The following ABI3BP variants were observed in gnomAD, a reference collection of about 807,000 sequenced individuals.
ABI3BP encodes the protein ABI family member 3 binding protein.
In ABI3BP, 216 loss-of-function variants were observed where a neutral mutation model predicts 268.6. The ratio of observed to expected loss-of-function variants is 0.80; its 90% CI spans 0.72 to 0.90. ABI3BP has a LOEUF of 0.90. Ranked by LOEUF, ABI3BP falls within the 40% of genes least tolerant of loss-of-function variation. The pLI is 0.00. For synonymous variants in ABI3BP, 730 were observed against 730.0 expected (o/e 1.00, Z 0.00); for missense variants, 2,090 against 2,182.4 (o/e 0.96, Z 0.84).
intron 1 of ABI3BP, among the ~76,000 whole-genome samples, chr3:100,953,685 T>C (rs990633644): frequency 5.3e-5 from 8 of 152,172 alleles, no homozygotes; most frequent in African/African-American, 1.9e-4. Context: ...ATGCTTTACA[T>C]TTCTTGAATT....
At chr3:100,964,249 T>C (rs1468930907) in intron 1 of ABI3BP, among the ~76,000 whole-genome samples, 2 of 152,134 alleles carry the variant, frequency 1.3e-5, no homozygotes. Context: ...GCAGACAAGA[T>C]GGCACCAATC....
At chr3:100,952,448 C>T (rs1449091612) in intron 1 of ABI3BP, among the ~76,000 whole-genome samples, 8 of 151,958 alleles carry the variant, frequency 5.3e-5, no homozygotes, top group South Asian at 2.1e-4. Context: ...ATGATGTTTG[C>T]CTTTCATATG....
At chr3:100,768,856 T>G (rs2096436028) in intron 62 of ABI3BP, among the ~76,000 whole-genome samples, 1 of 152,230 alleles carries the variant, frequency 6.6e-6, no homozygotes, top group East Asian at 1.9e-4. Context: ...AACTTGAAGT[T>G]GCCCAAGGAT....
Position 100,865,489 on chromosome 3 carries a change from T to C in ABI3BP, c.989-582A>G, listed in dbSNP as rs540420919. On this transcript the variant is annotated intron_variant, in intron 10 of 67. Transcript: ENST00000471714. ...TTTGTCCCAAATGCTAGATTAAAGG[T>C]AATAAAAAGCTCAATTAAAAAGCTC... Among the ~76,000 whole-genome samples, 5 of 152,174 alleles carry C rather than the reference T, an allele frequency of 3.3e-5. No individual in the cohort carries two copies. In the South Asian group the frequency reaches 1.0e-3, roughly 32 times the overall value.
chr3:100,967,675 A>C (rs2081904972), intron 1 of ABI3BP, among the ~76,000 whole-genome samples: 2 of 152,142 alleles, frequency 1.3e-5, no homozygotes, highest in Non-Finnish European at 2.9e-5. Flanking sequence ...TAATATTCTG[A>C]TTTCAATCAA....
chr3:100,777,869 C>T (rs1368332176), intron 59 of ABI3BP, among the ~76,000 whole-genome samples: 1 of 152,162 alleles, frequency 6.6e-6, no homozygotes, highest in Non-Finnish European at 1.5e-5. Context: ...GGCATGAAGG[C>T]TGTTGGATAG....
At chr3:100,821,332 CTAAT>C (rs2098215791) in intron 38 of ABI3BP, among the ~76,000 whole-genome samples, 1 of 152,128 alleles carries the variant, frequency 6.6e-6, no homozygotes, top group African/African-American at 2.4e-5. Flanking sequence ...CTCTGGTTAT[CTAAT>C]TAATAATACA....
At chr3:100,911,878 G>A in intron 2 of ABI3BP, 2 of 1,592,326 alleles carry the variant, frequency 1.3e-6, no homozygotes, top group Non-Finnish European at 1.7e-6. Flanking sequence ...TGATCTGAAT[G>A]ACGACAGAAT....
At chr3:100,861,553 T>C (rs1360306036) in intron 14 of ABI3BP, among the ~76,000 whole-genome samples, 3 of 152,206 alleles carry the variant, frequency 2.0e-5, no homozygotes, top group Non-Finnish European at 4.4e-5. Flanking sequence ...GAGGTCTTCT[T>C]ATAATTCTCA....
Position 100,765,833 on chromosome 3 carries a change from T to G in ABI3BP, c.4850+8A>C. Reference sequence around the variant, plus strand: ...CAGAATTTACCTGGAATAGCACTGGTGGCTTACCTCGTGTTTGGTTTCAGA... The same window carrying G: ...CAGAATTTACCTGGAATAGCACTGGGGGCTTACCTCGTGTTTGGTTTCAGA... On this transcript the variant is annotated splice_region_variant and intron_variant, in intron 63 of 67. Transcript: ENST00000471714. 6.3e-7 allele frequency: 1 copy of G among 1,586,816 alleles called. No homozygotes were observed. Among genetic ancestry groups the G allele is most frequent in the Non-Finnish European group, 8.6e-7 (1 of 1,159,750 alleles).
At chr3:100,904,915 A>G (rs1162311804) in intron 2 of ABI3BP, among the ~76,000 whole-genome samples, 1 of 152,252 alleles carries the variant, frequency 6.6e-6, no homozygotes, top group East Asian at 1.9e-4. Context: ...TACTGGGTAT[A>G]TACCCAAAGG....
At chr3:100,797,565 T>G (rs906855984) in intron 51 of ABI3BP, among the ~76,000 whole-genome samples, 33 of 148,966 alleles carry the variant, frequency 2.2e-4, no homozygotes, top group Admixed American at 8.6e-4. Flanking sequence ...AGAAACTGTT[T>G]TTTTTTTTTT....
chr3:100,869,329 GGTTTTTT>G (rs1561057904), intron 9 of ABI3BP, among the ~76,000 whole-genome samples: 2 of 50,154 alleles, frequency 4.0e-5, no homozygotes, highest in South Asian at 7.1e-4. Flanking sequence ...TCTTCTTTTT[GGTTTTTT>G]TTTTTTTTTT....
At chr3:100,985,878 T>A (rs2091602016) in intron 1 of ABI3BP, among the ~76,000 whole-genome samples, 2 of 152,260 alleles carry the variant, frequency 1.3e-5, no homozygotes, top group African/African-American at 2.4e-5. Context: ...TAAACCAGTA[T>A]ATTATCTGGA....
At chr3:100,952,812 C>T (rs1332690881) in intron 1 of ABI3BP, 1 of 152,034 alleles carries the variant, frequency 6.6e-6, no homozygotes, top group African/African-American at 2.4e-5. Flanking sequence ...ATCAGCAAAG[C>T]ACTAAGACAC....
intron 14 of ABI3BP, among the ~76,000 whole-genome samples, chr3:100,856,987 A>G (rs1038407874): frequency 2.0e-5 from 3 of 152,184 alleles, no homozygotes; most frequent in Non-Finnish European, 2.9e-5. Context: ...GAGAGAGACT[A>G]TGTGATATGA....
At chr3:100,882,094 G>A (rs1427090154) in intron 6 of ABI3BP, among the ~76,000 whole-genome samples, 1 of 152,080 alleles carries the variant, frequency 6.6e-6, no homozygotes, top group Non-Finnish European at 1.5e-5. Flanking sequence ...CTTATTGGAA[G>A]GTGTTCAAGA....
intron 66 of ABI3BP, among the ~76,000 whole-genome samples, chr3:100,752,340 T>G (rs906632545): frequency 6.6e-6 from 1 of 152,194 alleles, no homozygotes; most frequent in African/African-American, 2.4e-5. Flanking sequence ...GCCAGGCCTA[T>G]TCATTAAAAA....
Position 100,820,242 on chromosome 3 carries a change from A to AG in ABI3BP, c.3008dup (p.Glu1004Ter). 6.5e-7 allele frequency: 1 copy of AG among 1,536,228 alleles called. No homozygotes were observed. Among genetic ancestry groups the AG allele is most frequent in the African/African-American group, 1.4e-5 (1 of 73,176 alleles). On this transcript the variant is annotated frameshift_variant, in exon 40 of 68. Coordinates refer to ENST00000471714, the MANE Select transcript of ABI3BP (RefSeq NM_001375547.2). LOFTEE classifies it high-confidence loss of function. ...TACCCAGTTTGGTTTGAGGAACCTC[A>AG]GGACTTGGTGTGGTTTTAGTTTTGG...
Sources: allele counts gnomAD v4.1 joint callset (sites outside exome capture counted in the v4.1 genomes callset), GRCh38; gene constraint gnomAD v4.1.1; transcripts MANE v1.5; gene names NCBI Gene and HGNC (gene_info 2026-07-23, HGNC 2026-07-21).